Variants in MXD3 observed in about 807,000 individuals in gnomAD.
MXD3 encodes the protein MAX dimerization protein 3, also known as Max-associated protein 3.
In MXD3, 20 loss-of-function variants were observed where a neutral mutation model predicts 27.5. The observed-to-expected ratio is 0.73, with a 90% CI of 0.51 to 1.06. MXD3 has a LOEUF of 1.06. Among genes scored for constraint, MXD3 ranks in the 50% least tolerant of loss-of-function variants. MXD3 has a pLI of 0.00. For missense variants in MXD3, 298 were observed against 291.3 expected, an observed-to-expected ratio of 1.02 and a Z score of -0.17; for synonymous variants, 150 against 130.7, an observed-to-expected ratio of 1.15 and a Z score of -1.01.
intron 2 of MXD3, 166 bp from the exon 3 acceptor site, chr5:177,310,863 G>A: frequency 1.3e-6 from 1 of 756,592 alleles, no homozygotes; most frequent in East Asian, 2.7e-5. Flanking sequence ...GCAGGGCGAG[G>A]GGAGTCAAAG....
At chr5:177,307,209 G>A, downstream of MXD3, 1 of 1,551,670 alleles carries the variant, frequency 6.4e-7, no homozygotes, top group Non-Finnish European at 8.7e-7. Flanking sequence ...TGGACGGGAA[G>A]TTATGAAAGA....
At chr5:177,310,886 A>G (rs1761018475) in intron 2 of MXD3, 189 bp from the exon 3 acceptor site, 1 of 666,632 alleles carries the variant, frequency 1.5e-6, no homozygotes, top group Non-Finnish European at 2.6e-6. Context: ...ACACGGAGCC[A>G]AATGCTTAAC....
rs749095585 is a variant in MXD3 at position 177,310,518 on chromosome 5, G to A, written c.229C>T (p.Leu77=). ...GGCATCTGCTGCTTCAGCCGCTCCAGGCACCGCTTCAACTGGGCCCTCCTG... is the reference window on the plus strand; with the variant it reads ...GGCATCTGCTGCTTCAGCCGCTCCAAGCACCGCTTCAACTGGGCCCTCCTG... The part of the protein sequence containing the change: ...KRRRAQLKRC[L]ERLKQQMPLG... Residue 77 remains leucine, a synonymous_variant, in exon 4 of 6, where the codon CTG becomes TTG. Coordinates refer to ENST00000439742, the MANE Select transcript of MXD3 (RefSeq NM_031300.4). 2 of 1,612,032 alleles carry A rather than the reference G, an allele frequency of 1.2e-6. No homozygotes were observed. Among genetic ancestry groups the A allele is most frequent in the East Asian group, 2.2e-5 (1 of 44,798 alleles).
Position 177,307,862 on chromosome 5 carries a change from C to T in MXD3, c.424G>A (p.Gly142Arg). ...RQLEQLRGLA[G>R]AAERERLRAD... ...CGCAGCCGCTCCCGCTCGGCCGCCC[C>T]TGCCAGCCCCCGGAGCTGCTCCAGC... Residue 142 changes from glycine to arginine, a missense_variant, in exon 5 of 6, where the codon GGG becomes AGG. Gly to Arg is a moderately radical substitution (Grantham distance 125). Transcript: ENST00000439742. 1 of 1,609,734 alleles carries T rather than the reference C, an allele frequency of 6.2e-7. No homozygotes were observed. Among genetic ancestry groups the T allele is most frequent in the Non-Finnish European group, 8.5e-7 (1 of 1,178,706 alleles).
rs1322147181 is a variant in MXD3, at chr5:177,307,357, T to G, written c.*231A>C. On this transcript the variant is annotated 3_prime_UTR_variant, in exon 6 of 6. Coordinates refer to ENST00000439742, the MANE Select transcript of MXD3 (RefSeq NM_031300.4). ...TGCTTGGGCTCGGGCCCAAGCTGCC[T>G]GCCCTGCAGGGGTCCAGGGAGGTCC... is the stretch of plus-strand genomic sequence containing the variant. 6.6e-7 allele frequency: 1 copy of G among 1,520,610 alleles called. No individual in the cohort carries two copies. The highest frequency in any genetic ancestry group is 8.9e-7 in the Non-Finnish European group (1 of 1,122,046). 94.2% of individuals were successfully genotyped at this position (1,520,610 alleles called of 1,614,324 possible). A position where few individuals can be genotyped will look rare whatever the true frequency, so the allele number is the denominator to read the frequency against.
chr5:177,306,261 T>A, downstream of MXD3: 1 of 1,555,614 alleles, frequency 6.4e-7, no homozygotes, highest in Non-Finnish European at 8.9e-7. Context: ...GTCATTGCCC[T>A]GCTCTGAGCT....
At chr5:177,312,280 T>TGG (rs1761056929), upstream of MXD3, 1 of 986,248 alleles carries the variant, frequency 1.0e-6, no homozygotes, top group African/African-American at 1.8e-5. Flanking sequence ...CCGCTGCACG[T>TGG]GGGTGCCGCG....
downstream of MXD3, chr5:177,305,761 T>G: frequency 3.4e-6 from 3 of 882,080 alleles, no homozygotes; most frequent in South Asian, 4.6e-5. Context: ...GGGGAAGGAA[T>G]GGATTTTCAT....
In MXD3 at chr5:177,307,210, T is replaced by C. The variant is rs1331581976; in HGVS notation, c.*378A>G. 2 of 1,551,362 alleles carry C rather than the reference T, an allele frequency of 1.3e-6. No homozygotes were observed. Among genetic ancestry groups the C allele is most frequent in the Non-Finnish European group, 1.7e-6 (2 of 1,146,924 alleles). On this transcript the variant is annotated 3_prime_UTR_variant, in exon 6 of 6. Transcript: ENST00000439742. ...ATTAGGCAAGACTATGGACGGGAAGTTATGAAAGAGGCTTTTAATGAAAAT... is the reference window on the plus strand; with the variant it reads ...ATTAGGCAAGACTATGGACGGGAAGCTATGAAAGAGGCTTTTAATGAAAAT...
At chr5:177,311,959 C>T, upstream of MXD3, 1 of 1,331,794 alleles carries the variant, frequency 7.5e-7, no homozygotes, top group Admixed American at 3.2e-5. Context: ...GGACGCCCCG[C>T]CCGCGGGAAC....
At chr5:177,309,278 T>G (rs1389368361) in intron 4 of MXD3, among the ~76,000 whole-genome samples, 1 of 152,040 alleles carries the variant, frequency 6.6e-6, no homozygotes, top group Non-Finnish European at 1.5e-5. Context: ...GCTGCAGAGA[T>G]CATTCTAGAG....
At chr5:177,305,683 G>A, downstream of MXD3, 1 of 602,448 alleles carries the variant, frequency 1.7e-6, no homozygotes, top group Non-Finnish European at 3.0e-6. Context: ...CAGAAGAGAG[G>A]TTTTCGAGAG....
upstream of MXD3, chr5:177,311,937 G>A (rs1322108200): frequency 8.8e-6 from 11 of 1,247,796 alleles, no homozygotes; most frequent in East Asian, 3.3e-5. Flanking sequence ...ACAGGGGCCC[G>A]CCCCGCCCCC....
Position 177,311,751 on chromosome 5 carries a change from C to A in MXD3, c.70+10G>T, listed in dbSNP as rs927558929. 1 of 1,612,522 alleles carries A rather than the reference C, an allele frequency of 6.2e-7. No homozygotes were observed. The highest frequency in any genetic ancestry group is 8.5e-7 in the Non-Finnish European group (1 of 1,179,390). Reference sequence around the variant, plus strand: ...CGCCGCCCGGAATTCAGCCAAGGGTCCTTCCTCACCTCTCTCACGGCGCTC... The same window carrying A: ...CGCCGCCCGGAATTCAGCCAAGGGTACTTCCTCACCTCTCTCACGGCGCTC... On this transcript the variant is annotated intron_variant, in intron 1 of 5. Coordinates refer to ENST00000439742, the MANE Select transcript of MXD3 (RefSeq NM_031300.4).
Position 177,307,658 on chromosome 5 carries a change from G to T in MXD3, c.551C>A (p.Ala184Asp). The T allele has an allele frequency of 6.2e-7, 1 of 1,613,538 alleles. No homozygotes were observed. Among genetic ancestry groups the T allele is most frequent in the South Asian group, 1.1e-5 (1 of 91,086 alleles). The change falls in exon 6 of 6, where the codon GCC becomes GAC. Residue 184 changes from alanine (A) to aspartate (D), a missense_variant. Transcript: ENST00000439742. ...GGCGACGAAGCCCCGCAGCAGCTCG[G>T]CCTCACCCCCAAACACCAGGCTCTC... ...DVESLVFGGE[A>D]ELLRGFVAGQ...
chr5:177,307,095 C>T, downstream of MXD3: 1 of 1,481,562 alleles, frequency 6.7e-7, no homozygotes, highest in Non-Finnish European at 9.0e-7. Flanking sequence ...GAATTAAGTG[C>T]ACTGCCTGGC....
Position 177,307,289 on chromosome 5 carries a change from G to C in MXD3, c.*299C>G, listed in dbSNP as rs1323346659. 4.5e-6 allele frequency: 7 copies of C among 1,550,426 alleles called. No individual in the cohort carries two copies. Among genetic ancestry groups the C allele is most frequent in the Non-Finnish European group, 6.1e-6 (7 of 1,146,292 alleles). On this transcript the variant is annotated 3_prime_UTR_variant, in exon 6 of 6. Transcript: ENST00000439742. Reference sequence around the variant, plus strand: ...GGGGGCCTTGTCCAGGAAGGGAAGAGGCCCAAGAGGCTTCCTGTCCCCTTG... The same window carrying C: ...GGGGGCCTTGTCCAGGAAGGGAAGACGCCCAAGAGGCTTCCTGTCCCCTTG...
In MXD3 at chr5:177,311,775, T is replaced by A. The variant is rs1561596465; in HGVS notation, c.56A>T (p.Glu19Val). 1 of 1,613,062 alleles carries A rather than the reference T, an allele frequency of 6.2e-7. No homozygotes were observed. The highest frequency in any genetic ancestry group is 1.7e-5 in the Admixed American group (1 of 59,978). The change falls in exon 1 of 6, where the codon GAG becomes GTG. Residue 19 changes from glutamate to valine, a missense_variant. Coordinates refer to ENST00000439742, the MANE Select transcript of MXD3 (RefSeq NM_031300.4). ...QVLLQAAEFL[E>V]RREREAEHGY... is the part of the protein sequence containing the mutation. ...TCCTTCCTCACCTCTCTCACGGCGC[T>A]CCAGGAACTCGGCCGCCTGCAGCAG...
At chr5:177,307,089 T>G (rs1188021994), downstream of MXD3, 1 of 1,473,614 alleles carries the variant, frequency 6.8e-7, no homozygotes, top group Non-Finnish European at 9.0e-7. Flanking sequence ...TTGTGAGAAT[T>G]AAGTGCACTG....
Sources: gnomAD v4.1 joint callset for allele counts (sites outside exome capture counted in the v4.1 genomes callset) on GRCh38, gnomAD v4.1.1 for gene constraint, MANE v1.5 for transcripts, NCBI Gene and HGNC (gene_info 2026-07-23, HGNC 2026-07-21) for gene names.